TDP1: variants seen among roughly 807,000 people sequenced by gnomAD.
TDP1 encodes tyrosyl-DNA phosphodiesterase 1.
Under a neutral mutation model 81.5 loss-of-function variants are expected in TDP1, and 64 were observed. The observed-to-expected ratio is 0.79, with a 90% CI of 0.64 to 0.97. TDP1 has a LOEUF of 0.97. TDP1 is among the 50% of genes least tolerant of loss of function. The probability of loss-of-function intolerance (pLI) is 0.00; values close to 1 mark genes in which losing one functional copy is unlikely to be tolerated. For missense variants in TDP1, 723 were observed against 743.8 expected (o/e 0.97, Z 0.33); for synonymous variants, 256 against 264.3 (o/e 0.97, Z 0.30).
intron 2 of TDP1, among the ~76,000 whole-genome samples, chr14:89,962,176 T>C (rs1258010341): frequency 6.6e-6 from 1 of 152,222 alleles, no homozygotes; most frequent in African/African-American, 2.4e-5. Context: ...AGATTTATGA[T>C]GTAGCCAATA....
At chr14:89,998,720 G>T (rs2140163265) in intron 14 of TDP1, among the ~76,000 whole-genome samples, 1 of 151,890 alleles carries the variant, frequency 6.6e-6, no homozygotes, top group Non-Finnish European at 1.5e-5. Flanking sequence ...AGAGCCATGT[G>T]GATGGGTTGC....
At chr14:89,987,922 A>C (rs1458942529) in intron 10 of TDP1, among the ~76,000 whole-genome samples, 2 of 152,142 alleles carry the variant, frequency 1.3e-5, no homozygotes, top group Admixed American at 1.3e-4. Context: ...CCATAGATTG[A>C]GGGCTCCATC....
Position 89,989,811 on chromosome 14 carries a change from A to T in TDP1, c.1366+46A>T, listed in dbSNP as rs372350384. The T allele has an allele frequency of 2.1e-4, 299 of 1,434,532 alleles. 1 individual carries two copies. In the African/African-American group the frequency reaches 3.8e-3, roughly 18 times the overall value. The allele number at this position is 1,434,532 out of a possible 1,614,324, so 88.9% of individuals were successfully genotyped here. A position where few individuals can be genotyped will look rare whatever the true frequency, so the allele number is the denominator to read the frequency against. On this transcript the variant is annotated intron_variant, in intron 12 of 16. Transcript: ENST00000335725. ...CTTGATTGTGTTTTATGTATATTTC[A>T]TGAATGTCCTGGTAAAGTTTTACTA... is the stretch of plus-strand genomic sequence containing the variant.
At position 90,043,288 on chromosome 14, in the gene TDP1, T is replaced by A; in HGVS notation, c.*145T>A. ...CAAAGGTCACTCTTATGAATGGATGTTGGTTATACTTTTAATGGACATTAA... is the reference window on the plus strand; with the variant it reads ...CAAAGGTCACTCTTATGAATGGATGATGGTTATACTTTTAATGGACATTAA... On this transcript the variant is annotated 3_prime_UTR_variant, in exon 17 of 17. Coordinates refer to ENST00000335725, the MANE Select transcript of TDP1 (RefSeq NM_018319.4). 3.4e-6 allele frequency: 3 copies of A among 875,942 alleles called. No homozygotes were observed. Among genetic ancestry groups the A allele is most frequent in the Non-Finnish European group, 5.5e-6 (3 of 541,580 alleles). The allele number at this position is 875,942 out of a possible 1,614,324, so 54.3% of individuals were successfully genotyped here. A position where few individuals can be genotyped will look rare whatever the true frequency, so the allele number is the denominator to read the frequency against.
At chr14:90,020,350 CCCTT>C (rs1172165266) in intron 15 of TDP1, among the ~76,000 whole-genome samples, 1 of 144,082 alleles carries the variant, frequency 6.9e-6, no homozygotes, top group African/African-American at 2.9e-5. Flanking sequence ...CTTCCTTCCT[CCCTT>C]CCTCCCTCCC....
rs186385802 is a variant in TDP1 at position 89,978,169 on chromosome 14, A to G, written c.791+2354A>G. Among the ~76,000 whole-genome samples, 138 of 152,254 alleles carry G rather than the reference A, an allele frequency of 9.1e-4. 1 individual carries two copies. Among genetic ancestry groups the G allele is most frequent in the African/African-American group, 3.2e-3 (134 of 41,554 alleles). ...CCCCCACCTCACCTACCCCTGTACC[A>G]GTAGCATGAAGTGTTCACCGTTGCT... On this transcript the variant is annotated intron_variant, in intron 7 of 16. Transcript: ENST00000335725.
intron 16 of TDP1, among the ~76,000 whole-genome samples, chr14:90,034,347 A>C (rs1299809881): frequency 6.6e-6 from 1 of 152,238 alleles, no homozygotes; most frequent in Non-Finnish European, 1.5e-5. Flanking sequence ...CAAACCCTCA[A>C]AAGGGAGGTC....
intron 14 of TDP1, among the ~76,000 whole-genome samples, chr14:89,998,400 A>ATATATATATATATGTATG: frequency 8.5e-6 from 1 of 117,316 alleles, no homozygotes; most frequent in African/African-American, 4.7e-5. Flanking sequence ...ATATATATAT[A>ATATATATATATATGTATG]TATATATATA....
In TDP1 at chr14:89,963,639, G is replaced by A. The variant is rs749234048; in HGVS notation, c.525G>A (p.Lys175=). The change falls in exon 3 of 17, where the codon AAG becomes AAA. Residue 175 remains lysine, a synonymous_variant. Coordinates refer to ENST00000335725, the MANE Select transcript of TDP1 (RefSeq NM_018319.4). ...QFYLTRVSGV[K]PKYNSGALHI... ...ACCTCACTAGAGTCTCTGGAGTTAA[G>A]CCAAAGTATAACTCTGGAGCCCTCC... 1.2e-5 allele frequency: 19 copies of A among 1,614,098 alleles called. No homozygotes were observed. The South Asian group carries it at 1.3e-4, about 11-fold the overall frequency.
intron 14 of TDP1, among the ~76,000 whole-genome samples, chr14:89,998,713 G>A (rs942932683): frequency 3.3e-5 from 5 of 151,874 alleles, no homozygotes; most frequent in African/African-American, 1.2e-4. Flanking sequence ...TAGGGGAAGA[G>A]CCATGTGGAT....
Position 89,963,290 on chromosome 14 carries a change from A to G in TDP1, c.176A>G (p.Lys59Arg), listed in dbSNP as rs773128968. 1.2e-6 allele frequency: 2 copies of G among 1,614,202 alleles called. No individual in the cohort carries two copies. Among genetic ancestry groups the G allele is most frequent in the South Asian group, 2.2e-5 (2 of 91,092 alleles). Residue 59 changes from lysine to arginine, a missense_variant, in exon 3 of 17, where the codon AAA becomes AGA. Physicochemically the swap from Lys to Arg is conservative, Grantham distance 26 (BLOSUM62 2). Transcript: ENST00000335725. ...GCCCAGAAAGCTGCACACAAGAGGA[A>G]AATATCACCTGTGAAATTCAGCAAT... ...SEAQKAAHKRKISPVKFSNTD... is the reference protein window; with the variant it reads ...SEAQKAAHKRRISPVKFSNTD...
intron 16 of TDP1, among the ~76,000 whole-genome samples, chr14:90,034,597 A>C (rs1467301437): frequency 2.0e-5 from 3 of 152,228 alleles, no homozygotes; most frequent in African/African-American, 7.2e-5. Context: ...CACACTTAGC[A>C]AACTCAGACA....
intron 8 of TDP1, among the ~76,000 whole-genome samples, chr14:89,981,129 T>C (rs1022872437): frequency 3.3e-5 from 5 of 152,250 alleles, no homozygotes; most frequent in Admixed American, 6.5e-5. Flanking sequence ...AAAGGAAAAG[T>C]TGGGGTAGGG....
At chr14:90,011,236 A>C (rs1211345980) in intron 14 of TDP1, among the ~76,000 whole-genome samples, 1 of 152,226 alleles carries the variant, frequency 6.6e-6, no homozygotes, top group East Asian at 1.9e-4. Context: ...TAAATTACCC[A>C]GTCTTGGGTA....
chr14:90,003,770 G>A (rs1349524910), intron 14 of TDP1, among the ~76,000 whole-genome samples: 2 of 152,170 alleles, frequency 1.3e-5, no homozygotes, highest in East Asian at 3.9e-4. Flanking sequence ...TGCCACTTCG[G>A]GAGAAAACGA....
rs35461043 is a variant in TDP1, at chr14:90,023,521, TATA to T, written c.1644+4106_1644+4108del. On this transcript the variant is annotated intron_variant, in intron 15 of 16. Coordinates refer to ENST00000335725, the MANE Select transcript of TDP1 (RefSeq NM_018319.4). ...TTCAGAGAATTTGAATCTTACAAAA[TATA>T]ATTCTGAAATTAGGATTATGATTTA... Among the ~76,000 whole-genome samples, 343 of 152,306 alleles carry T rather than the reference TATA, an allele frequency of 2.3e-3. 3 individuals are homozygous for T. Among genetic ancestry groups the T allele is most frequent in the African/African-American group, 7.6e-3 (316 of 41,552 alleles).
intron 15 of TDP1, among the ~76,000 whole-genome samples, chr14:90,028,372 A>T (rs1190881529): frequency 2.6e-5 from 4 of 152,184 alleles, no homozygotes. Flanking sequence ...TACATCTCTA[A>T]CTGAAACTGA....
rs1427813874 is a variant in TDP1, at chr14:89,991,880, T to G, written c.1367-37T>G. 6 of 1,562,766 alleles carry G rather than the reference T, an allele frequency of 3.8e-6. No individual in the cohort carries two copies. The South Asian group carries it at 6.9e-5, about 18-fold the overall frequency. On this transcript the variant is annotated intron_variant, in intron 12 of 16. Coordinates refer to ENST00000335725, the MANE Select transcript of TDP1 (RefSeq NM_018319.4). ...CTTAATGAGGGATCCTCAAATTATA[T>G]TTCATAATTTTTATTGTTTTATTTT... is the stretch of plus-strand genomic sequence containing the variant.
chr14:90,006,922 ACT>A (rs1490661156), intron 14 of TDP1, among the ~76,000 whole-genome samples: 2 of 146,780 alleles, frequency 1.4e-5, no homozygotes, highest in Admixed American at 6.7e-5. Flanking sequence ...TGAGCTCAAA[ACT>A]CTCTATCTGC....
Sources: allele counts gnomAD v4.1 joint callset (sites outside exome capture counted in the v4.1 genomes callset), GRCh38; gene constraint gnomAD v4.1.1; transcripts MANE v1.5; gene names NCBI Gene and HGNC (gene_info 2026-07-23, HGNC 2026-07-21).